The following LRP1B variants were observed in gnomAD, a reference collection of about 807,000 sequenced individuals.
LRP1B encodes low-density lipoprotein receptor-related protein 1B.
In LRP1B, 217 loss-of-function variants were observed where a neutral mutation model predicts 556.6. The ratio of observed to expected loss-of-function variants is 0.39; its 90% CI spans 0.35 to 0.44. The LOEUF is 0.44. Ranked by LOEUF, LRP1B falls within the 20% of genes least tolerant of loss-of-function variation. LRP1B has a pLI of 1.00. For missense variants in LRP1B, 5,053 were observed against 5,620.8 expected, an observed-to-expected ratio of 0.90 and a Z score of 3.23; for synonymous variants, 2,047 against 1,865.8, an observed-to-expected ratio of 1.10 and a Z score of -2.50.
At chr2:141,314,962 C>G (rs1037950721) in intron 3 of LRP1B, among the ~76,000 whole-genome samples, 2 of 147,556 alleles carry the variant, frequency 1.4e-5, no homozygotes, top group Admixed American at 1.4e-4. Flanking sequence ...ATTTAAGCCT[C>G]TCCCCGCAAG....
At chr2:140,607,268 A>T (rs1394808819) in intron 41 of LRP1B, among the ~76,000 whole-genome samples, 1 of 152,126 alleles carries the variant, frequency 6.6e-6, no homozygotes, top group East Asian at 1.9e-4. Context: ...AACAGTAAGA[A>T]GTTTTCACAA....
intron 82 of LRP1B, among the ~76,000 whole-genome samples, chr2:140,317,787 G>C (rs1684591293): frequency 1.3e-5 from 2 of 152,012 alleles, no homozygotes; most frequent in Admixed American, 1.3e-4. Context: ...AAACCACAAG[G>C]ATTTTCAAAA....
intron 2 of LRP1B, among the ~76,000 whole-genome samples, chr2:141,647,907 C>A (rs909140644): frequency 6.6e-6 from 1 of 151,714 alleles, no homozygotes; most frequent in Non-Finnish European, 1.5e-5. Flanking sequence ...TAAATAGAGG[C>A]AGGTGTAGAG....
chr2:140,833,819 T>C (rs756969920), intron 31 of LRP1B, among the ~76,000 whole-genome samples: 14 of 152,318 alleles, frequency 9.2e-5, no homozygotes, highest in Admixed American at 2.0e-4. Flanking sequence ...ACAAAGGTTA[T>C]GTTTAATATG....
intron 17 of LRP1B, among the ~76,000 whole-genome samples, chr2:140,984,650 C>T (rs1696865343): frequency 6.6e-6 from 1 of 152,064 alleles, no homozygotes; most frequent in Admixed American, 6.6e-5. Flanking sequence ...ACCCATCTCA[C>T]GTTGTGATGG....
intron 1 of LRP1B, among the ~76,000 whole-genome samples, chr2:141,850,620 C>CTGTGTGTG (rs1491253561): frequency 4.5e-5 from 4 of 88,480 alleles, no homozygotes; most frequent in Non-Finnish European, 9.3e-5. Context: ...CTAGCATAAA[C>CTGTGTGTG]TCTGTGTGTG....
At chr2:140,658,311 A>G (rs898914681) in intron 41 of LRP1B, among the ~76,000 whole-genome samples, 3 of 152,050 alleles carry the variant, frequency 2.0e-5, no homozygotes, top group African/African-American at 7.2e-5. Context: ...GTCAAATTAT[A>G]TACAAAAGGA....
chr2:142,115,567 A>G (rs1187475566), intron 1 of LRP1B, among the ~76,000 whole-genome samples: 1 of 45,550 alleles, frequency 2.2e-5, no homozygotes, highest in Admixed American at 4.3e-4. Flanking sequence ...TATATGTAAT[A>G]TATATTATAT....
chr2:141,559,713 T>C (rs1686078280), intron 2 of LRP1B, among the ~76,000 whole-genome samples: 1 of 151,666 alleles, frequency 6.6e-6, no homozygotes, highest in African/African-American at 2.4e-5. Context: ...CAGCTTTTAT[T>C]GATCATGAGG....
intron 1 of LRP1B, among the ~76,000 whole-genome samples, chr2:141,886,164 G>A (rs903033172): frequency 4.6e-5 from 7 of 152,146 alleles, no homozygotes; most frequent in African/African-American, 1.7e-4. Context: ...CTAAGCATTG[G>A]ATAATATCTG....
At chr2:140,739,116 T>C (rs192361890) in intron 35 of LRP1B, among the ~76,000 whole-genome samples, 60 of 152,262 alleles carry the variant, frequency 3.9e-4, no homozygotes, top group African/African-American at 1.3e-3. Flanking sequence ...CTAAGTCCCA[T>C]AGTATAATCA....
chr2:141,187,969 A>G (rs1681331527), intron 7 of LRP1B, among the ~76,000 whole-genome samples: 1 of 152,030 alleles, frequency 6.6e-6, no homozygotes, highest in Admixed American at 6.6e-5. Flanking sequence ...TTTTACTAGT[A>G]TCTGGGTAAA....
At chr2:140,946,077 T>C (rs1032351114) in intron 20 of LRP1B, among the ~76,000 whole-genome samples, 1 of 152,070 alleles carries the variant, frequency 6.6e-6, no homozygotes, top group Non-Finnish European at 1.5e-5. Context: ...AAAGAAGACA[T>C]GCAAGTGGCC....
At chr2:141,450,552 A>T (rs1317205693) in intron 3 of LRP1B, among the ~76,000 whole-genome samples, 3 of 151,590 alleles carry the variant, frequency 2.0e-5, no homozygotes, top group Non-Finnish European at 2.9e-5. Context: ...TCCTATTTTT[A>T]AAAAAATAAA....
intron 1 of LRP1B, among the ~76,000 whole-genome samples, chr2:141,949,937 A>G (rs1701061486): frequency 6.6e-6 from 1 of 152,176 alleles, no homozygotes; most frequent in Non-Finnish European, 1.5e-5. Flanking sequence ...TAATCACTGT[A>G]TACAATAAGA....
At chr2:141,600,566 T>C (rs1429870646) in intron 2 of LRP1B, among the ~76,000 whole-genome samples, 1 of 151,726 alleles carries the variant, frequency 6.6e-6, no homozygotes, top group Non-Finnish European at 1.5e-5. Flanking sequence ...CTGAATGAAC[T>C]GCAAACGTAA....
chr2:141,091,600 G>A (rs1357879922), intron 7 of LRP1B, among the ~76,000 whole-genome samples: 1 of 152,124 alleles, frequency 6.6e-6, no homozygotes, highest in East Asian at 1.9e-4. Flanking sequence ...GTGTCTGAGT[G>A]CATCCTGTGA....
At chr2:140,390,067 T>G (rs1259792651) in intron 66 of LRP1B, among the ~76,000 whole-genome samples, 2 of 151,958 alleles carry the variant, frequency 1.3e-5, no homozygotes, top group Non-Finnish European at 2.9e-5. Flanking sequence ...GAGGCAGAGG[T>G]TGCAGTGAGC....
At chr2:140,597,128 A>G (rs1682472930) in intron 43 of LRP1B, among the ~76,000 whole-genome samples, 1 of 152,222 alleles carries the variant, frequency 6.6e-6, no homozygotes, top group Non-Finnish European at 1.5e-5. Flanking sequence ...GAGGTAATCT[A>G]GATGCATGTA....
Sources: allele counts gnomAD v4.1 joint callset (sites outside exome capture counted in the v4.1 genomes callset), GRCh38; gene constraint gnomAD v4.1.1; transcripts MANE v1.5; gene names NCBI Gene and HGNC (gene_info 2026-07-23, HGNC 2026-07-21).